Variants in FGF14 observed in about 807,000 individuals in gnomAD.
The protein encoded by FGF14 is fibroblast growth factor homologous factor 4.
In FGF14, 5 loss-of-function variants were observed where a neutral mutation model predicts 25.5. The ratio of observed to expected loss-of-function variants is 0.20; its 90% CI spans 0.10 to 0.41. The LOEUF (loss-of-function observed/expected upper bound fraction) is 0.41. FGF14 is among the 10% of genes least tolerant of loss of function. The pLI is 1.00. For synonymous variants in FGF14, 138 were observed against 118.3 expected (o/e 1.17, Z -1.08); for missense variants, 222 against 320.1 (o/e 0.69, Z 2.34).
chr13:101,898,373 C>CACACAT (rs1412230470), intron 1 of FGF14, among the ~76,000 whole-genome samples: 2 of 151,434 alleles, frequency 1.3e-5, no homozygotes, highest in Non-Finnish European at 2.9e-5. Context: ...CACACACACA[C>CACACAT]ACATATCCCC....
intron 1 of FGF14, among the ~76,000 whole-genome samples, chr13:102,160,343 C>T (rs919303476): frequency 1.3e-5 from 2 of 152,090 alleles, no homozygotes; most frequent in Admixed American, 1.3e-4. Flanking sequence ...ATGGCTCAAG[C>T]CCAGCTATGT....
chr13:102,009,947 CA>C (rs2039994869), intron 1 of FGF14, among the ~76,000 whole-genome samples: 2 of 152,094 alleles, frequency 1.3e-5, no homozygotes, highest in Non-Finnish European at 2.9e-5. Flanking sequence ...GAAACCTTGC[CA>C]AGGTTGACTA....
chr13:102,114,900 G>A (rs990738450), intron 1 of FGF14, among the ~76,000 whole-genome samples: 4 of 151,900 alleles, frequency 2.6e-5, no homozygotes, highest in Non-Finnish European at 4.4e-5. Flanking sequence ...AGAGATTGGG[G>A]GTACAACATT....
At chr13:101,864,032 T>C (rs559064057) in intron 3 of FGF14, among the ~76,000 whole-genome samples, 111 of 152,272 alleles carry the variant, frequency 7.3e-4, no homozygotes, top group African/African-American at 2.5e-3. Context: ...CAGAACACTA[T>C]CTTATGTAGA....
At chr13:101,729,717 T>A (rs540970295) in intron 3 of FGF14, among the ~76,000 whole-genome samples, 94 of 149,852 alleles carry the variant, frequency 6.3e-4, no homozygotes, top group Admixed American at 1.0e-3. Context: ...TAGTAAAAAA[T>A]ATATCCTGAT....
intron 1 of FGF14, among the ~76,000 whole-genome samples, chr13:102,291,827 T>A (rs2054416113): frequency 1.3e-5 from 2 of 152,142 alleles, no homozygotes; most frequent in Non-Finnish European, 2.9e-5. Flanking sequence ...TGCTCTGGTT[T>A]TTACCACCTC....
chr13:102,168,857 G>T (rs566379753), intron 1 of FGF14, among the ~76,000 whole-genome samples: 5 of 152,176 alleles, frequency 3.3e-5, no homozygotes, highest in African/African-American at 9.6e-5. Flanking sequence ...AACACACACT[G>T]AAGATCTGCC....
intron 3 of FGF14, among the ~76,000 whole-genome samples, chr13:101,859,841 A>G (rs1436551616): frequency 6.6e-6 from 1 of 152,160 alleles, no homozygotes; most frequent in Non-Finnish European, 1.5e-5. Context: ...CTAACCCAGA[A>G]ATGGAACTTG....
At chr13:102,264,312 AAGTTT>A (rs1293601007) in intron 1 of FGF14, among the ~76,000 whole-genome samples, 1 of 152,194 alleles carries the variant, frequency 6.6e-6, no homozygotes, top group African/African-American at 2.4e-5. Context: ...GGCTCAAAAA[AAGTTT>A]GCATTCTTTG....
intron 1 of FGF14, among the ~76,000 whole-genome samples, chr13:102,295,612 G>C (rs1346912569): frequency 6.6e-6 from 1 of 152,102 alleles, no homozygotes; most frequent in Non-Finnish European, 1.5e-5. Flanking sequence ...CAAAGGCTAG[G>C]ATCTTGCCTG....
chr13:101,852,441 G>A (rs979584185), intron 3 of FGF14, among the ~76,000 whole-genome samples: 5 of 151,990 alleles, frequency 3.3e-5, no homozygotes, highest in Non-Finnish European at 7.4e-5. Context: ...TTTCTTGAAG[G>A]AGGAAAAAAA....
rs548622741 is a variant in FGF14, at chr13:101,915,008, C to T, written c.193+1445G>A. On this transcript the variant is annotated intron_variant, in intron 1 of 4. Coordinates refer to ENST00000376143, the MANE Select transcript of FGF14 (RefSeq NM_004115.4). ...CTAGGCTAATGTGGAAAATTAAAAT[C>T]CATTTTTTTCTTAATGGCTCCTACA... Among the ~76,000 whole-genome samples the T allele has an allele frequency of 2.6e-5, 4 of 152,236 alleles. No individual in the cohort carries two copies. In the South Asian group the frequency reaches 8.3e-4, roughly 32 times the overall value.
intron 1 of FGF14, among the ~76,000 whole-genome samples, chr13:102,239,408 T>C (rs1357189527): frequency 6.6e-6 from 1 of 152,320 alleles, no homozygotes; most frequent in East Asian, 1.9e-4. Context: ...GAAATGCAGA[T>C]TCTGACTCAA....
chr13:102,194,111 C>G (rs1001602181), intron 1 of FGF14, among the ~76,000 whole-genome samples: 1 of 151,744 alleles, frequency 6.6e-6, no homozygotes, highest in Non-Finnish European at 1.5e-5. Context: ...TTTAAAAAAT[C>G]GAAATTCTAG....
chr13:102,047,977 A>G (rs1487428111), intron 1 of FGF14, among the ~76,000 whole-genome samples: 1 of 152,008 alleles, frequency 6.6e-6, no homozygotes. Flanking sequence ...CAGTTCCTTT[A>G]GAAGGAGACT....
intron 1 of FGF14, among the ~76,000 whole-genome samples, chr13:102,084,460 C>T (rs892916081): frequency 4.6e-5 from 7 of 152,144 alleles, no homozygotes; most frequent in Non-Finnish European, 1.0e-4. Flanking sequence ...ACTAACAAGA[C>T]ATTTTTTATT....
At chr13:102,181,373 C>G (rs1594306691) in intron 1 of FGF14, among the ~76,000 whole-genome samples, 1 of 152,186 alleles carries the variant, frequency 6.6e-6, no homozygotes, top group South Asian at 2.1e-4. Context: ...ATGGGTTGGA[C>G]CATGTCCCCT....
At chr13:102,242,446 T>G (rs1374680544) in intron 1 of FGF14, among the ~76,000 whole-genome samples, 10 of 152,088 alleles carry the variant, frequency 6.6e-5, no homozygotes, top group Non-Finnish European at 1.0e-4. Flanking sequence ...GGTCAGCATC[T>G]GGCAAGGGCT....
At chr13:101,886,292 T>A (rs919362900) in intron 1 of FGF14, among the ~76,000 whole-genome samples, 1 of 152,122 alleles carries the variant, frequency 6.6e-6, no homozygotes, top group Non-Finnish European at 1.5e-5. Context: ...CTTCAAAATA[T>A]ACTACAAAGC....
Sources: allele counts gnomAD v4.1 joint callset (sites outside exome capture counted in the v4.1 genomes callset), GRCh38; gene constraint gnomAD v4.1.1; transcripts MANE v1.5; gene names NCBI Gene and HGNC (gene_info 2026-07-23, HGNC 2026-07-21).